Variants in TBC1D1 observed in about 807,000 individuals in gnomAD.
TBC1D1 encodes the protein TBC1 domain family member 1.
In TBC1D1, 89 loss-of-function variants were observed where a neutral mutation model predicts 125.6. The observed-to-expected ratio is 0.71, with a 90% CI of 0.60 to 0.85. The LOEUF is 0.85. TBC1D1 is among the 40% of genes least tolerant of loss of function. TBC1D1 has a pLI of 0.00. For synonymous variants in TBC1D1, 565 were observed against 564.1 expected (o/e 1.00, Z -0.02); for missense variants, 1,377 against 1,469.2 (o/e 0.94, Z 1.03).
At chr4:38,070,656 C>T (rs1186477203) in intron 12 of TBC1D1, among the ~76,000 whole-genome samples, 3 of 152,018 alleles carry the variant, frequency 2.0e-5, no homozygotes, top group Non-Finnish European at 4.4e-5. Flanking sequence ...ATTATTGTAT[C>T]TACTGAGATT....
intron 13 of TBC1D1, among the ~76,000 whole-genome samples, chr4:38,091,497 C>T (rs564414278): frequency 6.6e-6 from 1 of 152,180 alleles, no homozygotes; most frequent in African/African-American, 2.4e-5. Context: ...AATGACAGCT[C>T]GGGAGCACAG....
intron 2 of TBC1D1, among the ~76,000 whole-genome samples, chr4:37,972,033 T>A (rs1359941328): frequency 1.3e-5 from 2 of 152,206 alleles, no homozygotes; most frequent in African/African-American, 4.8e-5. Flanking sequence ...TCTGAGACCC[T>A]CTACTCTCTC....
rs1222760158 is a variant in TBC1D1, at chr4:38,116,622, G to A, written c.2802+668G>A. On this transcript the variant is annotated intron_variant, in intron 16 of 19. Coordinates refer to ENST00000261439, the MANE Select transcript of TBC1D1 (RefSeq NM_015173.4). ...GAGTTCCTAGTTTCTGAAACAGTGC[G>A]TGGGTTGAAGTAGGCACCCCATAAG... Among the ~76,000 whole-genome samples the A allele has an allele frequency of 3.3e-5, 5 of 152,188 alleles. No homozygotes were observed. The South Asian group carries it at 6.2e-4, about 19-fold the overall frequency.
intron 2 of TBC1D1, among the ~76,000 whole-genome samples, chr4:37,915,720 C>G (rs1055782571): frequency 2.0e-5 from 3 of 152,034 alleles, no homozygotes; most frequent in African/African-American, 7.3e-5. Context: ...CCCTGTGCAC[C>G]CATATTAATT....
At chr4:38,030,194 C>T (rs975324453) in intron 7 of TBC1D1, among the ~76,000 whole-genome samples, 4 of 152,186 alleles carry the variant, frequency 2.6e-5, no homozygotes, top group African/African-American at 4.8e-5. Context: ...AATATTCTTC[C>T]GCAGCAATGA....
intron 2 of TBC1D1, chr4:37,961,094 T>A (rs1173235144): frequency 6.5e-7 from 1 of 1,545,920 alleles, no homozygotes; most frequent in African/African-American, 1.4e-5. Context: ...TAAAGCATTA[T>A]TTGTTTAACA....
At chr4:37,952,375 A>G (rs140909661) in intron 2 of TBC1D1, 201 of 384,418 alleles carry the variant, frequency 5.2e-4, no homozygotes, top group African/African-American at 3.7e-3. Flanking sequence ...CTCTCAGTCA[A>G]TCCAAGTGTC....
At chr4:37,949,907 C>T (rs1403685497) in intron 2 of TBC1D1, among the ~76,000 whole-genome samples, 3 of 152,156 alleles carry the variant, frequency 2.0e-5, no homozygotes, top group East Asian at 3.8e-4. Context: ...CGCCTATTCT[C>T]CATGATTTCT....
chr4:37,941,618 G>A lies in TBC1D1; in HGVS notation c.417+39106G>A, dbSNP rs561741102. On this transcript the variant is annotated intron_variant, in intron 2 of 19. Coordinates refer to ENST00000261439, the MANE Select transcript of TBC1D1 (RefSeq NM_015173.4). Reference sequence around the variant, plus strand: ...CTAGTTCTTTTAATTGTGATGTTAGGGTGTCAATTTTAGATCTTTCCTGCT... The same window carrying A: ...CTAGTTCTTTTAATTGTGATGTTAGAGTGTCAATTTTAGATCTTTCCTGCT... 3.3e-5 allele frequency among the ~76,000 whole-genome samples: 5 copies of A among 152,086 alleles called. No homozygotes were observed. In the South Asian group the frequency reaches 1.0e-3, roughly 32 times the overall value.
intron 15 of TBC1D1, among the ~76,000 whole-genome samples, chr4:38,108,872 A>G (rs17579792): frequency 0.1 from 15,518 of 152,306 alleles, 1,204 homozygotes; most frequent in East Asian, 0.39. Flanking sequence ...AACCTCCAAA[A>G]GGAAGGAATC....
chr4:37,976,490 C>A lies in TBC1D1; in HGVS notation c.418-38019C>A, dbSNP rs572351318. ...CAGATGCCAGATATTTAGGGAACAA[C>A]ATTAAAATGTCCCAATGGTCCTTCA... On this transcript the variant is annotated intron_variant, in intron 2 of 19. Transcript: ENST00000261439. 1.9e-4 allele frequency among the ~76,000 whole-genome samples: 29 copies of A among 152,328 alleles called. No homozygotes were observed. The South Asian group carries it at 5.4e-3, about 28-fold the overall frequency.
intron 2 of TBC1D1, among the ~76,000 whole-genome samples, chr4:37,966,899 A>G (rs1368948494): frequency 6.6e-6 from 1 of 152,238 alleles, no homozygotes; most frequent in Non-Finnish European, 1.5e-5. Flanking sequence ...GAGCTTGCTC[A>G]GTGCACCTGA....
intron 12 of TBC1D1, among the ~76,000 whole-genome samples, chr4:38,073,800 C>T (rs1054148612): frequency 2.0e-5 from 3 of 152,066 alleles, no homozygotes; most frequent in African/African-American, 7.2e-5. Context: ...AGAAGGCAGC[C>T]GGTCCATTCC....
In TBC1D1 at chr4:37,902,512, A is replaced by G; in HGVS notation, c.417A>G (p.Lys139=). 1 of 1,587,596 alleles carries G rather than the reference A, an allele frequency of 6.3e-7. No individual in the cohort carries two copies. Among genetic ancestry groups the G allele is most frequent in the Non-Finnish European group, 8.6e-7 (1 of 1,165,034 alleles). ...TGTTCAAAGCCGATGATCAAACAAA[A>G]GTAAGTGAGATGGAGATCCAAAAGA... is the stretch of plus-strand genomic sequence containing the variant. Residue 139 remains lysine, a splice_region_variant and synonymous_variant, in exon 2 of 20, where the codon AAA becomes AAG. Coordinates refer to ENST00000261439, the MANE Select transcript of TBC1D1 (RefSeq NM_015173.4).
chr4:37,994,007 C>T (rs948272448), intron 2 of TBC1D1, among the ~76,000 whole-genome samples: 9 of 152,306 alleles, frequency 5.9e-5, no homozygotes, highest in Admixed American at 1.3e-4. Context: ...TATCTGATCT[C>T]GTGAAAATGA....
At chr4:38,017,724 C>T (rs1430827495) in intron 3 of TBC1D1, among the ~76,000 whole-genome samples, 1 of 152,170 alleles carries the variant, frequency 6.6e-6, no homozygotes, top group Non-Finnish European at 1.5e-5. Flanking sequence ...CACACTGAAA[C>T]CCAAGAAGCT....
At chr4:37,908,227 T>C (rs1477083603) in intron 2 of TBC1D1, among the ~76,000 whole-genome samples, 4 of 151,998 alleles carry the variant, frequency 2.6e-5, no homozygotes. Context: ...AGCGCCTTTT[T>C]TGGGGGGTCT....
intron 1 of TBC1D1, among the ~76,000 whole-genome samples, chr4:37,894,741 T>C (rs1714174511): frequency 6.6e-6 from 1 of 152,190 alleles, no homozygotes; most frequent in South Asian, 2.1e-4. Flanking sequence ...TAGAGTATAA[T>C]TTTGATGTTA....
rs181023535 is a variant in TBC1D1, at chr4:37,981,537, A to G, written c.418-32972A>G. Among the ~76,000 whole-genome samples the G allele has an allele frequency of 3.3e-5, 5 of 152,308 alleles. 1 individual carries two copies. The highest frequency in any genetic ancestry group is 1.2e-4 in the African/African-American group (5 of 41,580). Reference sequence around the variant, plus strand: ...AAATAGGTGAACAAGATTATTTCAGATGGTGATCAGTGCGAGGAAGAGAAG... The same window carrying G: ...AAATAGGTGAACAAGATTATTTCAGGTGGTGATCAGTGCGAGGAAGAGAAG... On this transcript the variant is annotated intron_variant, in intron 2 of 19. Transcript: ENST00000261439.
Sources: allele counts gnomAD v4.1 joint callset (sites outside exome capture counted in the v4.1 genomes callset), GRCh38; gene constraint gnomAD v4.1.1; transcripts MANE v1.5; gene names NCBI Gene and HGNC (gene_info 2026-07-23, HGNC 2026-07-21).